The following COL6A6 variants were observed in gnomAD, a reference collection of about 807,000 sequenced individuals.
The protein encoded by COL6A6 is collagen type VI alpha 6 chain.
In COL6A6, 183 loss-of-function variants were observed where a neutral mutation model predicts 208.6. That is an observed-to-expected ratio of 0.88 (90% CI 0.78 to 0.99). The LOEUF is 0.99. Ranked by LOEUF, COL6A6 falls within the 50% of genes least tolerant of loss-of-function variation. The pLI is 0.00. For missense variants in COL6A6, 2,816 were observed against 2,815.2 expected (o/e 1.00, Z -0.01); for synonymous variants, 973 against 1,011.8 (o/e 0.96, Z 0.73).
At chr3:130,599,519 A>G (rs1399204897) in intron 19 of COL6A6, among the ~76,000 whole-genome samples, 1 of 152,190 alleles carries the variant, frequency 6.6e-6, no homozygotes, top group Non-Finnish European at 1.5e-5. Context: ...CTTAGACAGT[A>G]GTGATGAATG....
In COL6A6 at chr3:130,662,202, C is replaced by T. The variant is rs748240320; in HGVS notation, c.6396C>T (p.Leu2132=). 2.5e-5 allele frequency: 40 copies of T among 1,613,828 alleles called. No homozygotes were observed. The Admixed American group carries it at 2.5e-4, about 10-fold the overall frequency. Residue 2132 remains leucine, a synonymous_variant, in exon 35 of 37, where the codon CTC becomes CTT. Coordinates refer to ENST00000358511, the MANE Select transcript of COL6A6 (RefSeq NM_001102608.3). ...GGGATGACAAGGAACTGGAGGATCT[C>T]GCCAGCCACCCTTTGGATCACCACC... The part of the protein sequence containing the change: ...PIWDDKELED[L]ASHPLDHHLV...
chr3:130,676,596 T>C lies in COL6A6; in HGVS notation c.*1199T>C, dbSNP rs1412505266. 6.6e-6 allele frequency: 1 copy of C among 152,240 alleles called. No homozygotes were observed. The highest frequency in any genetic ancestry group is 1.5e-5 in the Non-Finnish European group (1 of 68,050). The allele number at this position is 152,240 out of a possible 1,614,324, so 9.4% of individuals were successfully genotyped here. On this transcript the variant is annotated 3_prime_UTR_variant, in exon 37 of 37. Transcript: ENST00000358511. ...TGGAAAGAAGCCCTGCCTGGATGCA[T>C]GGAGCAGATGGATACTGACACCAAG...
chr3:130,569,858 A>C (rs2063118359), intron 6 of COL6A6, among the ~76,000 whole-genome samples: 1 of 152,192 alleles, frequency 6.6e-6, no homozygotes, highest in South Asian at 2.1e-4. Context: ...GGATAAGTAC[A>C]ATGGCTCTAA....
At chr3:130,636,116 T>C (rs1053345489) in intron 28 of COL6A6, among the ~76,000 whole-genome samples, 4 of 152,274 alleles carry the variant, frequency 2.6e-5, no homozygotes, top group African/African-American at 9.6e-5. Context: ...TGCAACCTAA[T>C]GCCCACTGGC....
At position 130,591,048 on chromosome 3, in the gene COL6A6, C is replaced by T; in HGVS notation, c.4226C>T (p.Pro1409Leu). The T allele has an allele frequency of 6.3e-7, 1 of 1,578,582 alleles. No individual in the cohort carries two copies. Among genetic ancestry groups the T allele is most frequent in the South Asian group, 1.2e-5 (1 of 85,964 alleles). Reference sequence around the variant, plus strand: ...TCCTTTTCTTATTTCCAGGGACCTCCAGGTTTTAAAGGCAGTGAAGGCTAC... The same window carrying T: ...TCCTTTTCTTATTTCCAGGGACCTCTAGGTTTTAAAGGCAGTGAAGGCTAC... ...DPGPPGKRGP[P>L]GFKGSEGYLG... Residue 1409 changes from proline to leucine, a missense_variant, in exon 13 of 37, where the codon CCA becomes CTA. By Grantham distance (98) the Pro-to-Leu change is moderately conservative. Coordinates refer to ENST00000358511, the MANE Select transcript of COL6A6 (RefSeq NM_001102608.3).
rs564098185 is a variant in COL6A6 at position 130,668,338 on chromosome 3, C to T, written c.6596+3242C>T. On this transcript the variant is annotated intron_variant, in intron 36 of 36. Coordinates refer to ENST00000358511, the MANE Select transcript of COL6A6 (RefSeq NM_001102608.3). ...CTAAAAATACAAGAAATTAGCTGGG[C>T]GTGGTGGCGGGCATCTGTAATCCCA... Among the ~76,000 whole-genome samples, 106 of 152,080 alleles carry T rather than the reference C, an allele frequency of 7.0e-4. 2 individuals are homozygous for T. In the South Asian group the frequency reaches 0.014, roughly 21 times the overall value.
At chr3:130,642,805 A>G in intron 29 of COL6A6, 27 bp from the exon 30 acceptor site, 2 of 1,610,882 alleles carry the variant, frequency 1.2e-6, no homozygotes, top group Non-Finnish European at 1.7e-6. Context: ...TAGAGGCATT[A>G]AAACAATGTT....
In COL6A6 at chr3:130,604,356, G is replaced by A. The variant is rs1042266692; in HGVS notation, c.4654-2575G>A. ...AAAATACAAAAAAAATTAGCCGGGCGTGGTGGCGGGCGCCTGTAGTCCCAG... is the reference window on the plus strand; with the variant it reads ...AAAATACAAAAAAAATTAGCCGGGCATGGTGGCGGGCGCCTGTAGTCCCAG... On this transcript the variant is annotated intron_variant, in intron 20 of 36. Transcript: ENST00000358511. Among the ~76,000 whole-genome samples, 7 of 152,256 alleles carry A rather than the reference G, an allele frequency of 4.6e-5. No individual in the cohort carries two copies. In the East Asian group the frequency reaches 5.8e-4, roughly 13 times the overall value.
intron 1 of COL6A6, among the ~76,000 whole-genome samples, chr3:130,547,866 C>T (rs574038895): frequency 7.4e-4 from 113 of 152,316 alleles, no homozygotes; most frequent in African/African-American, 2.6e-3. Flanking sequence ...GGTGCCGTCT[C>T]GGCTCGCTGC....
At chr3:130,541,957 A>C (rs2062373455) in intron 1 of COL6A6, among the ~76,000 whole-genome samples, 1 of 152,220 alleles carries the variant, frequency 6.6e-6, no homozygotes, top group African/African-American at 2.4e-5. Flanking sequence ...AGAGTTCTTC[A>C]TAATATTCCT....
intron 28 of COL6A6, among the ~76,000 whole-genome samples, chr3:130,637,772 T>G (rs1453580462): frequency 6.6e-6 from 1 of 152,210 alleles, no homozygotes; most frequent in Non-Finnish European, 1.5e-5. Flanking sequence ...TGCTATGATT[T>G]TTAACCTGTT....
chr3:130,568,343 C>T lies in COL6A6; in HGVS notation c.2140C>T (p.Pro714Ser). Residue 714 changes from proline to serine, a missense_variant, in exon 6 of 37, where the codon CCC becomes TCC. Physicochemically the swap from Pro to Ser is moderately conservative, Grantham distance 74 (BLOSUM62 -1). Transcript: ENST00000358511. ...GAGCTTTGTGTCTCAGTACTTCAGC[C>T]CCACCAAGGGCGCCCGGCCCAACAT... Reference protein sequence around the residue: ...ALSFVSQYFSPTKGARPNIRK... With the variant: ...ALSFVSQYFSSTKGARPNIRK... 1 of 1,613,988 alleles carries T rather than the reference C, an allele frequency of 6.2e-7. No individual in the cohort carries two copies. The highest frequency in any genetic ancestry group is 8.5e-7 in the Non-Finnish European group (1 of 1,179,890).
intron 21 of COL6A6, among the ~76,000 whole-genome samples, chr3:130,608,692 C>T (rs2064258631): frequency 6.7e-6 from 1 of 148,912 alleles, no homozygotes; most frequent in Non-Finnish European, 1.5e-5. Flanking sequence ...AATACACCAG[C>T]ATACTAGCTA....
chr3:130,672,405 ATT>A (rs531723309), intron 36 of COL6A6, among the ~76,000 whole-genome samples: 15 of 143,912 alleles, frequency 1.0e-4, no homozygotes, highest in African/African-American at 2.5e-4. Flanking sequence ...GAGTAATCAC[ATT>A]TTTTTTTTTT....
At chr3:130,591,116 C>T (rs1264470022) in intron 13 of COL6A6, 22 bp downstream of exon 13, 27 of 1,544,210 alleles carry the variant, frequency 1.7e-5, no homozygotes, top group Non-Finnish European at 2.2e-5. Flanking sequence ...CTCTTTTTTA[C>T]CTCCATTTAT....
intron 1 of COL6A6, among the ~76,000 whole-genome samples, chr3:130,548,917 A>G (rs2062582090): frequency 6.6e-6 from 1 of 152,172 alleles, no homozygotes; most frequent in African/African-American, 2.4e-5. Context: ...TTCTTGTGTT[A>G]CAGATCTAAG....
intron 8 of COL6A6, among the ~76,000 whole-genome samples, chr3:130,578,193 T>C (rs2063338907): frequency 6.6e-6 from 1 of 152,178 alleles, no homozygotes. Context: ...TCTATCATTA[T>C]GGATAGATGA....
rs532066282 is a variant in COL6A6, at chr3:130,543,240, A to T, written c.-31-17094A>T. Among the ~76,000 whole-genome samples the T allele has an allele frequency of 1.1e-3, 164 of 152,244 alleles. 1 individual carries two copies. The highest frequency in any genetic ancestry group is 2.1e-3 in the Non-Finnish European group (143 of 68,014). ...AATCTATATCTGGCTTCATATTTAA[A>T]GTGGGCTTCCTGTGCAGAACATATA... On this transcript the variant is annotated intron_variant, in intron 1 of 36. Coordinates refer to ENST00000358511, the MANE Select transcript of COL6A6 (RefSeq NM_001102608.3).
At chr3:130,671,536 C>A (rs2066215792) in intron 36 of COL6A6, among the ~76,000 whole-genome samples, 1 of 152,170 alleles carries the variant, frequency 6.6e-6, no homozygotes, top group Non-Finnish European at 1.5e-5. Flanking sequence ...ATCAAAGACT[C>A]TAATCAAAAG....
Sources: gnomAD v4.1 joint callset for allele counts (sites outside exome capture counted in the v4.1 genomes callset) on GRCh38, gnomAD v4.1.1 for gene constraint, MANE v1.5 for transcripts, NCBI Gene and HGNC (gene_info 2026-07-23, HGNC 2026-07-21) for gene names.